The following DLG2 variants were observed in gnomAD, a reference collection of about 807,000 sequenced individuals.
DLG2 encodes disks large homolog 2.
In DLG2, 45 loss-of-function variants were observed where a neutral mutation model predicts 132.5. That is an observed-to-expected ratio of 0.34 (90% CI 0.27 to 0.44). The LOEUF is 0.44. DLG2 is among the 20% of genes least tolerant of loss of function. DLG2 has a pLI of 1.00. For missense variants in DLG2, 1,045 were observed against 1,196.9 expected, an observed-to-expected ratio of 0.87 and a Z score of 1.87; for synonymous variants, 424 against 419.6, an observed-to-expected ratio of 1.01 and a Z score of -0.13.
At chr11:85,339,541 A>AG (rs2082346588) in intron 3 of DLG2, among the ~76,000 whole-genome samples, 3 of 152,204 alleles carry the variant, frequency 2.0e-5, no homozygotes, top group Admixed American at 1.3e-4. Context: ...ATTTTTTATA[A>AG]GGGAAAAAAT....
chr11:83,857,138 T>C (rs970751420), intron 16 of DLG2, among the ~76,000 whole-genome samples: 1 of 152,188 alleles, frequency 6.6e-6, no homozygotes, highest in African/African-American at 2.4e-5. Context: ...GTTGCAGATC[T>C]GTGGTCTTAT....
At chr11:84,823,177 GA>G (rs2077902171) in intron 6 of DLG2, among the ~76,000 whole-genome samples, 1 of 151,802 alleles carries the variant, frequency 6.6e-6, no homozygotes, top group South Asian at 2.1e-4. Context: ...ACAAATTAAT[GA>G]ATGAATAACA....
chr11:85,403,312 T>C (rs915388758), intron 3 of DLG2, among the ~76,000 whole-genome samples: 1 of 151,584 alleles, frequency 6.6e-6, no homozygotes, highest in Non-Finnish European at 1.5e-5. Flanking sequence ...GCACACAGGG[T>C]CGGGTACATC....
intron 6 of DLG2, among the ~76,000 whole-genome samples, chr11:84,595,538 T>C (rs528767121): frequency 6.6e-6 from 1 of 151,428 alleles, no homozygotes; most frequent in Non-Finnish European, 1.5e-5. Context: ...TTCAAGCAAC[T>C]GAACCTTGTA....
At chr11:85,553,728 A>C (rs560650572) in intron 3 of DLG2, among the ~76,000 whole-genome samples, 1 of 151,708 alleles carries the variant, frequency 6.6e-6, no homozygotes, top group African/African-American at 2.4e-5. Context: ...CTCATCTCTC[A>C]ACAAATACTA....
At chr11:85,519,071 G>A (rs2094226085) in intron 3 of DLG2, among the ~76,000 whole-genome samples, 1 of 152,160 alleles carries the variant, frequency 6.6e-6, no homozygotes, top group African/African-American at 2.4e-5. Context: ...TGGGGGCAGG[G>A]CCCTCATGGA....
intron 7 of DLG2, among the ~76,000 whole-genome samples, chr11:84,500,776 G>C (rs1205919480): frequency 6.6e-6 from 1 of 152,146 alleles, no homozygotes; most frequent in Non-Finnish European, 1.5e-5. Context: ...AATTTAAAAA[G>C]TAATGGATCC....
intron 19 of DLG2, among the ~76,000 whole-genome samples, chr11:83,573,420 C>A (rs2096830119): frequency 6.6e-6 from 1 of 152,120 alleles, no homozygotes; most frequent in Non-Finnish European, 1.5e-5. Flanking sequence ...GGCATAAATA[C>A]AATTCAGAGA....
At chr11:83,583,511 A>G (rs1381719267) in intron 19 of DLG2, among the ~76,000 whole-genome samples, 1 of 152,204 alleles carries the variant, frequency 6.6e-6, no homozygotes, top group Admixed American at 6.5e-5. Flanking sequence ...TAATTCTTCA[A>G]CTGACTCTCA....
At position 85,081,725 on chromosome 11, in the gene DLG2, G is replaced by A. The variant is rs1416778251; in HGVS notation, c.357+29936C>T. ...AGCTATTGGAGTTGGAATTACTGTGGCTGCTGGCACCAGAATTGCCCTCCA... is the reference window on the plus strand; with the variant it reads ...AGCTATTGGAGTTGGAATTACTGTGACTGCTGGCACCAGAATTGCCCTCCA... On this transcript the variant is annotated intron_variant, in intron 6 of 27. Transcript: ENST00000376104. Among the ~76,000 whole-genome samples the A allele has an allele frequency of 1.1e-4, 16 of 152,142 alleles. 1 individual carries two copies. Among genetic ancestry groups the A allele is most frequent in the Admixed American group, 1.0e-3 (16 of 15,272 alleles).
chr11:83,890,609 T>G (rs547653332), intron 15 of DLG2, among the ~76,000 whole-genome samples: 3 of 152,292 alleles, frequency 2.0e-5, no homozygotes, highest in African/African-American at 7.2e-5. Context: ...AAACTGAACA[T>G]TTTCATCTGT....
chr11:85,078,331 G>A (rs1421461108), intron 6 of DLG2, among the ~76,000 whole-genome samples: 2 of 151,428 alleles, frequency 1.3e-5, no homozygotes, highest in Admixed American at 6.6e-5. Flanking sequence ...TGTTTAATCT[G>A]ACCTGAAGGA....
At chr11:83,538,931 G>C (rs1466395048) in intron 20 of DLG2, among the ~76,000 whole-genome samples, 3 of 152,230 alleles carry the variant, frequency 2.0e-5, no homozygotes, top group African/African-American at 2.4e-5. Flanking sequence ...GTATCTGTAG[G>C]GGGCAAGATT....
chr11:84,058,520 A>ATAATAT (rs1237840139), intron 11 of DLG2, among the ~76,000 whole-genome samples: 1 of 147,258 alleles, frequency 6.8e-6, no homozygotes, highest in Non-Finnish European at 1.5e-5. Flanking sequence ...AATAATAATA[A>ATAATAT]TAATAATAAT....
chr11:84,183,723 C>T (rs12789631), intron 8 of DLG2, among the ~76,000 whole-genome samples: 9,827 of 152,142 alleles, frequency 0.065, 389 homozygotes, highest in African/African-American at 0.1. Flanking sequence ...TATCCCTCCC[C>T]ACTCCCCTCA....
At chr11:84,286,638 G>C (rs1184916630) in intron 7 of DLG2, among the ~76,000 whole-genome samples, 1 of 152,258 alleles carries the variant, frequency 6.6e-6, no homozygotes, top group East Asian at 1.9e-4. Flanking sequence ...CCAAGGTTTT[G>C]AATAGCAAGA....
At chr11:84,785,763 T>C (rs1415893681) in intron 6 of DLG2, among the ~76,000 whole-genome samples, 1 of 152,128 alleles carries the variant, frequency 6.6e-6, no homozygotes, top group Admixed American at 6.5e-5. Context: ...TTTTAACCCA[T>C]TATAATTATT....
intron 7 of DLG2, among the ~76,000 whole-genome samples, chr11:84,383,562 A>T (rs886465664): frequency 2.6e-5 from 4 of 152,132 alleles, no homozygotes; most frequent in African/African-American, 9.7e-5. Flanking sequence ...TGTTGGCCTT[A>T]AAGAAGCAAC....
At chr11:85,035,176 G>A (rs1488339119) in intron 6 of DLG2, among the ~76,000 whole-genome samples, 1 of 152,068 alleles carries the variant, frequency 6.6e-6, no homozygotes, top group Non-Finnish European at 1.5e-5. Flanking sequence ...AGAATACTTG[G>A]CCAGCCTGAG....
Sources: gnomAD v4.1 joint callset for allele counts (sites outside exome capture counted in the v4.1 genomes callset) on GRCh38, gnomAD v4.1.1 for gene constraint, MANE v1.5 for transcripts, NCBI Gene and HGNC (gene_info 2026-07-23, HGNC 2026-07-21) for gene names.